KDM4B: variants seen among roughly 807,000 people sequenced by gnomAD.
KDM4B encodes the protein lysine-specific demethylase 4B.
KDM4B carries 32 observed loss-of-function variants against 125.2 expected under a neutral mutation model. That is an observed-to-expected ratio of 0.26 (90% CI 0.19 to 0.34). The LOEUF is 0.34. Among genes scored for constraint, KDM4B ranks in the 10% least tolerant of loss-of-function variants. KDM4B has a pLI of 1.00. For missense variants in KDM4B, 1,190 were observed against 1,577.7 expected, an observed-to-expected ratio of 0.75 and a Z score of 4.16; for synonymous variants, 721 against 677.9, an observed-to-expected ratio of 1.06 and a Z score of -0.99.
rs2038173817 is a variant in KDM4B at position 5,078,041 on chromosome 19, G to GC, written c.780+573dup. The GC allele has an allele frequency of 6.5e-6, 1 of 154,946 alleles. No individual in the cohort carries two copies. Among genetic ancestry groups the GC allele is most frequent in the South Asian group, 2.0e-4 (1 of 5,014 alleles). The allele number at this position is 154,946 out of a possible 1,614,324, so 9.6% of individuals were successfully genotyped here. On this transcript the variant is annotated intron_variant, in intron 8 of 22. Transcript: ENST00000159111. The surrounding 1 kb of genome is among the most constrained non-coding windows in gnomAD (Gnocchi z 4.5). The stretch of plus-strand genomic sequence containing the variant: ...GAGGCTGTGATGGAGGAGACCTGAG[G>GC]CCGGGGGGTGGGGCCTCCCTACACC...
intron 1 of KDM4B, among the ~76,000 whole-genome samples, chr19:5,002,827 T>C (rs1436096811): frequency 1.3e-5 from 2 of 151,972 alleles, no homozygotes; most frequent in Non-Finnish European, 2.9e-5. Context: ...GGTGTATGCC[T>C]GTGGTCCCAC....
In KDM4B at chr19:5,144,845, T is replaced by G; in HGVS notation, c.2964T>G (p.Thr988=). ...GGGAGCTGGTGGAGCTCCGGTGGAC[T>G]GACGGCAACCTCTACAAGGCCAAGT... ...SEGELVELRW[T]DGNLYKAKFI... is the part of the protein sequence containing the mutation. The change falls in exon 21 of 23, where the codon ACT becomes ACG. Residue 988 remains threonine (T), a synonymous_variant. Transcript: ENST00000159111. 6.2e-7 allele frequency: 1 copy of G among 1,613,258 alleles called. No homozygotes were observed. The highest frequency in any genetic ancestry group is 8.5e-7 in the Non-Finnish European group (1 of 1,179,840).
rs1444877941 is a variant in KDM4B, at chr19:5,133,744, G to T, written c.1907-139G>T. The stretch of plus-strand genomic sequence containing the variant: ...ATGGGGCAGCCAGGAGGCAGGTGGA[G>T]GGGGAGCTATGGGCCAGGGACCCTG... On this transcript the variant is annotated intron_variant, in intron 13 of 22. Coordinates refer to ENST00000159111, the MANE Select transcript of KDM4B (RefSeq NM_015015.3). The T allele has an allele frequency of 6.6e-6, 5 of 754,110 alleles. No homozygotes were observed. The Admixed American group carries it at 8.4e-5, about 13-fold the overall frequency. 46.7% of individuals were successfully genotyped at this position (754,110 alleles called of 1,614,324 possible).
chr19:4,978,792 C>T (rs1226596709), intron 1 of KDM4B, among the ~76,000 whole-genome samples: 1 of 152,124 alleles, frequency 6.6e-6, no homozygotes, highest in East Asian at 1.9e-4. Context: ...CAGGCTGGTG[C>T]GTGGTCACTG....
At chr19:5,091,220 G>A (rs1048176327) in intron 9 of KDM4B, among the ~76,000 whole-genome samples, 1 of 152,228 alleles carries the variant, frequency 6.6e-6, no homozygotes, top group Non-Finnish European at 1.5e-5. Context: ...CAGAGCCCAG[G>A]ACTCAGCGGC....
Position 5,114,812 on chromosome 19 carries a change from A to G in KDM4B, c.1115+3994A>G, listed in dbSNP as rs556496415. Among the ~76,000 whole-genome samples, 4 of 152,300 alleles carry G rather than the reference A, an allele frequency of 2.6e-5. No individual in the cohort carries two copies. In the South Asian group the frequency reaches 8.3e-4, roughly 32 times the overall value. Reference sequence around the variant, plus strand: ...TGCAGGTGCCCTGTGTTACTGGGTGACAGGGCCAGAGGCCGTCCACCCCGC... The same window carrying G: ...TGCAGGTGCCCTGTGTTACTGGGTGGCAGGGCCAGAGGCCGTCCACCCCGC... On this transcript the variant is annotated intron_variant, in intron 10 of 22. Transcript: ENST00000159111. The surrounding 1 kb of genome is among the most constrained non-coding windows in gnomAD (Gnocchi z 5.8).
intron 2 of KDM4B, among the ~76,000 whole-genome samples, chr19:5,022,149 C>A (rs897571997): frequency 2.0e-5 from 3 of 152,134 alleles, no homozygotes; most frequent in African/African-American, 7.2e-5. Context: ...GGGCCATGTT[C>A]CTTGTGAGGG....
intron 2 of KDM4B, among the ~76,000 whole-genome samples, chr19:5,029,784 G>T (rs1460305364): frequency 1.3e-5 from 2 of 152,248 alleles, no homozygotes; most frequent in African/African-American, 4.8e-5. Context: ...CCGTGACCGT[G>T]CCACTGCACT....
chr19:5,116,369 C>T (rs930845728), intron 10 of KDM4B, among the ~76,000 whole-genome samples: 3 of 152,056 alleles, frequency 2.0e-5, no homozygotes, highest in Admixed American at 6.6e-5. Context: ...GAATAATTCT[C>T]CCCAAATCTT....
At chr19:5,066,511 C>T (rs761688673) in intron 6 of KDM4B, among the ~76,000 whole-genome samples, 6 of 152,236 alleles carry the variant, frequency 3.9e-5, no homozygotes, top group Admixed American at 2.0e-4. Context: ...TGTGACCTCA[C>T]GTGTCTTGTG....
rs1459581889 is a variant in KDM4B at position 5,114,019 on chromosome 19, A to G, written c.1115+3201A>G. ...TGAGCGAGCGTTGGGGGCTGTTTGT[A>G]TTCTTCCCCCTGATGGATGGGTCGC... On this transcript the variant is annotated intron_variant, in intron 10 of 22. Transcript: ENST00000159111. The surrounding 1 kb of genome is among the most constrained non-coding windows in gnomAD (Gnocchi z 5.8). 7 of 1,278,046 alleles carry G rather than the reference A, an allele frequency of 5.5e-6. No individual in the cohort carries two copies. Among genetic ancestry groups the G allele is most frequent in the African/African-American group, 1.5e-5 (1 of 65,204 alleles). 79.2% of individuals were successfully genotyped at this position (1,278,046 alleles called of 1,614,324 possible).
chr19:5,112,123 T>C (rs548039424), intron 10 of KDM4B: 14 of 353,872 alleles, frequency 4.0e-5, no homozygotes, highest in African/African-American at 2.9e-4. Flanking sequence ...TGTGGTGGTG[T>C]GCGCCTGTGG....
At chr19:5,083,511 C>T (rs1276334385) in intron 9 of KDM4B, among the ~76,000 whole-genome samples, 1 of 152,188 alleles carries the variant, frequency 6.6e-6, no homozygotes, top group East Asian at 1.9e-4. Flanking sequence ...GGCTGGGGAG[C>T]CTCCTCCCAG....
chr19:5,084,677 A>G (rs1001307604), intron 9 of KDM4B, among the ~76,000 whole-genome samples: 6 of 149,436 alleles, frequency 4.0e-5, no homozygotes, highest in African/African-American at 1.5e-4. Flanking sequence ...GCCGGACATG[A>G]TGGCTTCACG....
chr19:5,104,287 C>G (rs1192730506), intron 9 of KDM4B, among the ~76,000 whole-genome samples: 1 of 152,230 alleles, frequency 6.6e-6, no homozygotes, highest in African/African-American at 2.4e-5. Flanking sequence ...TATTTTGTCT[C>G]CCAGTTACAC....
intron 1 of KDM4B, among the ~76,000 whole-genome samples, chr19:4,973,662 T>C (rs747841587): frequency 1.7e-4 from 26 of 152,192 alleles, no homozygotes; most frequent in Non-Finnish European, 3.5e-4. Flanking sequence ...TGGCCTGTTC[T>C]AGGATGCTGG....
chr19:5,017,901 C>T (rs926956945), intron 2 of KDM4B, among the ~76,000 whole-genome samples: 20 of 151,696 alleles, frequency 1.3e-4, no homozygotes, highest in South Asian at 2.1e-4. Flanking sequence ...CCACCACGCC[C>T]GGCTAATTTT....
At chr19:5,132,914 G>A (rs917711284) in intron 13 of KDM4B, among the ~76,000 whole-genome samples, 8 of 152,190 alleles carry the variant, frequency 5.3e-5, no homozygotes, top group Admixed American at 6.5e-5. Flanking sequence ...TCTGGTTTGG[G>A]TTTTCAGAGG....
At chr19:5,002,487 C>T (rs1161454195) in intron 1 of KDM4B, among the ~76,000 whole-genome samples, 1 of 150,486 alleles carries the variant, frequency 6.6e-6, no homozygotes, top group Non-Finnish European at 1.5e-5. Context: ...TTCTTTCTTT[C>T]CTTTCTTCTT....
Sources: allele counts gnomAD v4.1 joint callset (sites outside exome capture counted in the v4.1 genomes callset), GRCh38; gene constraint gnomAD v4.1.1; non-coding constraint Gnocchi (gnomAD v3.1); transcripts MANE v1.5; gene names NCBI Gene and HGNC (gene_info 2026-07-23, HGNC 2026-07-21).